Variants in CEP44 observed in about 807,000 individuals in gnomAD.
CEP44 encodes the protein centrosomal protein of 44 kDa.
In CEP44, 45 loss-of-function variants were observed where a neutral mutation model predicts 46.7. The observed-to-expected ratio is 0.96, with a 90% confidence interval of 0.76 to 1.24. CEP44 has a LOEUF of 1.24. CEP44 is among the 50% of genes most tolerant of loss of function. CEP44 has a pLI of 0.00. For synonymous variants in CEP44, 142 were observed against 146.0 expected, an observed-to-expected ratio of 0.97 and a Z score of 0.20; for missense variants, 475 against 459.7, an observed-to-expected ratio of 1.03 and a Z score of -0.30.
downstream of CEP44, among the ~76,000 whole-genome samples, chr4:174,325,147 T>A (rs1742582315): frequency 6.6e-6 from 1 of 152,190 alleles, no homozygotes; most frequent in South Asian, 2.1e-4. This position sits in a 1 kb window ranked among gnomAD's most constrained non-coding sequence, Gnocchi z 4.4. Context: ...TTGCCATTAG[T>A]ATATCTTCTT....
chr4:174,319,036 T>G lies in CEP44; in HGVS notation c.*1653T>G. Reference sequence around the variant, plus strand: ...GTTGCCCAGTCTGTTCTCAAACTCGTGAGCTAAAGCTACTCGCCCACCTGG... The same window carrying G: ...GTTGCCCAGTCTGTTCTCAAACTCGGGAGCTAAAGCTACTCGCCCACCTGG... On this transcript the variant is annotated 3_prime_UTR_variant, in exon 12 of 12. Transcript: ENST00000503780. 6 of 526,900 alleles carry G rather than the reference T, an allele frequency of 1.1e-5. No individual in the cohort carries two copies. Among genetic ancestry groups the G allele is most frequent in the Non-Finnish European group, 1.5e-5 (6 of 411,548 alleles). The allele number at this position is 526,900 out of a possible 1,614,324, so 32.6% of individuals were successfully genotyped here. A position where few individuals can be genotyped will look rare whatever the true frequency, so the allele number is the denominator to read the frequency against.
intron 1 of CEP44, among the ~76,000 whole-genome samples, chr4:174,294,189 GGCC>G (rs1179991125): frequency 7.3e-5 from 11 of 150,968 alleles, no homozygotes; most frequent in African/African-American, 2.7e-4. Flanking sequence ...AGGACCCTGC[GGCC>G]TTCCGCAGTG....
chr4:174,305,374 A>G (rs143596894), intron 6 of CEP44, among the ~76,000 whole-genome samples: 494 of 152,274 alleles, frequency 3.2e-3, no homozygotes, highest in African/African-American at 0.012. Context: ...GAATCGCTTG[A>G]ACCCTGGAGG....
At chr4:174,291,793 T>C (rs1401918330) in intron 1 of CEP44, among the ~76,000 whole-genome samples, 4 of 119,890 alleles carry the variant, frequency 3.3e-5, no homozygotes, top group African/African-American at 1.1e-4. Context: ...TTTTCTTTTT[T>C]TTTTTTTTTT....
rs1737848026 is a variant in CEP44, at chr4:174,288,856, C to A, written c.-148+4913C>A. On this transcript the variant is annotated intron_variant, in intron 1 of 11. Coordinates refer to ENST00000503780, the MANE Select transcript of CEP44 (RefSeq NM_001040157.3). This position sits in a 1 kb window ranked among gnomAD's most constrained non-coding sequence, Gnocchi z 4.6. ...ATGGGGAAAGCTTTCAGTTTTTTAT[C>A]TTTAAGTATCTTAGCTGTGGGCTTC... is the stretch of plus-strand genomic sequence containing the variant. 6.6e-6 allele frequency among the ~76,000 whole-genome samples: 1 copy of A among 152,118 alleles called. No individual in the cohort carries two copies. The highest frequency in any genetic ancestry group is 1.5e-5 in the Non-Finnish European group (1 of 67,984).
chr4:174,323,061 GA>G (rs140502899), downstream of CEP44, among the ~76,000 whole-genome samples: 1,481 of 151,936 alleles, frequency 9.7e-3, 6 homozygotes, highest in Middle Eastern at 0.017. Context: ...TAGAGAAAAT[GA>G]TATTTCTGTT....
chr4:174,293,195 TC>T (rs1183780504), intron 1 of CEP44, among the ~76,000 whole-genome samples: 3 of 152,186 alleles, frequency 2.0e-5, no homozygotes, highest in Non-Finnish European at 4.4e-5. Context: ...GACAAACAAG[TC>T]TTCCTGTGAG....
chr4:174,300,218 T>G (rs1401690032), intron 3 of CEP44, among the ~76,000 whole-genome samples: 1 of 152,064 alleles, frequency 6.6e-6, no homozygotes, highest in East Asian at 1.9e-4. Context: ...GAGGTTACAG[T>G]AGGGAGAGGT....
intron 1 of CEP44, among the ~76,000 whole-genome samples, chr4:174,291,555 G>A (rs1055352060): frequency 5.9e-5 from 9 of 151,944 alleles, no homozygotes; most frequent in South Asian, 4.2e-4. Context: ...TGAGATTTAC[G>A]TGCCACAGAT....
At chr4:174,313,959 A>G (rs138116657) in intron 9 of CEP44, among the ~76,000 whole-genome samples, 65 of 152,336 alleles carry the variant, frequency 4.3e-4, no homozygotes, top group African/African-American at 1.0e-3. Context: ...ATATCTAGAA[A>G]TCAGTTGGAT....
At chr4:174,295,134 T>C (rs1198341223) in intron 1 of CEP44, among the ~76,000 whole-genome samples, 3,407 of 81,008 alleles carry the variant, frequency 0.042, no homozygotes, top group East Asian at 0.09. Flanking sequence ...GGGCTGACCC[T>C]CACCTCCCTC....
rs1485744349 is a variant in CEP44 at position 174,311,844 on chromosome 4, T to C, written c.961+986T>C. On this transcript the variant is annotated intron_variant, in intron 9 of 11. Transcript: ENST00000503780. The surrounding 1 kb of genome is among the most constrained non-coding windows in gnomAD (Gnocchi z 4.4). The stretch of plus-strand genomic sequence containing the variant: ...GCTGCATATTTGGAGCACATATCAA[T>C]ATCATTGCACAAAGAACAATTTCAG... Among the ~76,000 whole-genome samples, 1 of 152,210 alleles carries C rather than the reference T, an allele frequency of 6.6e-6. No individual in the cohort carries two copies. The highest frequency in any genetic ancestry group is 1.9e-4 in the East Asian group (1 of 5,198).
At position 174,317,375 on chromosome 4, in the gene CEP44, T is replaced by C. The variant is rs2126671565; in HGVS notation, c.1165T>C (p.Tyr389His). The change falls in exon 12 of 12, where the codon TAC (tyrosine) becomes CAC (histidine). Residue 389 changes from tyrosine (Y) to histidine (H), a missense_variant. By Grantham distance (83) the Tyr-to-His change is moderately conservative. Coordinates refer to ENST00000503780, the MANE Select transcript of CEP44 (RefSeq NM_001040157.3). ...TAELLKCPNH[Y>H]L is the part of the protein sequence containing the mutation. The stretch of plus-strand genomic sequence containing the variant: ...AGAGTTACTGAAATGTCCAAATCAC[T>C]ACTTGTAGGATTTTCTACATGAACT... 2 of 1,421,772 alleles carry C rather than the reference T, an allele frequency of 1.4e-6. No homozygotes were observed. Among genetic ancestry groups the C allele is most frequent in the Non-Finnish European group, 1.9e-6 (2 of 1,068,390 alleles). The allele number at this position is 1,421,772 out of a possible 1,614,324, so 88.1% of individuals were successfully genotyped here.
At chr4:174,302,659 C>T (rs1339295730) in intron 4 of CEP44, among the ~76,000 whole-genome samples, 1 of 151,498 alleles carries the variant, frequency 6.6e-6, no homozygotes, top group African/African-American at 2.4e-5. Context: ...TATGTGTATA[C>T]TGAATTTAAT....
At chr4:174,324,533 C>T (rs1024455134), downstream of CEP44, among the ~76,000 whole-genome samples, 1 of 152,182 alleles carries the variant, frequency 6.6e-6, no homozygotes, top group Non-Finnish European at 1.5e-5. Flanking sequence ...TTCAGTTGCT[C>T]AGCATCCATA....
At chr4:174,308,325 A>G (rs1452429231) in intron 6 of CEP44, among the ~76,000 whole-genome samples, 4 of 152,188 alleles carry the variant, frequency 2.6e-5, no homozygotes, top group Non-Finnish European at 5.9e-5. Context: ...TGTCCTTTGC[A>G]GAGACATGGA....
rs1741969907 is a variant in CEP44 at position 174,318,346 on chromosome 4, G to A, written c.*963G>A. 2.0e-6 allele frequency: 2 copies of A among 985,176 alleles called. No homozygotes were observed. The highest frequency in any genetic ancestry group is 2.4e-6 in the Non-Finnish European group (2 of 829,922). The allele number at this position is 985,176 out of a possible 1,614,324, so 61.0% of individuals were successfully genotyped here. On this transcript the variant is annotated 3_prime_UTR_variant, in exon 12 of 12. Transcript: ENST00000503780. ...CGGCGTAACACTTTTTAAGACCAGT[G>A]TAACAGAAAGAGAATGTAGCCATTC...
chr4:174,293,886 A>G (rs1738519598), intron 1 of CEP44, among the ~76,000 whole-genome samples: 1 of 152,134 alleles, frequency 6.6e-6, no homozygotes, highest in African/African-American at 2.4e-5. Context: ...TGGGGGAAGT[A>G]TACAGTTTCT....
chr4:174,289,684 T>C (rs1404405304), intron 1 of CEP44, among the ~76,000 whole-genome samples: 4 of 152,144 alleles, frequency 2.6e-5, no homozygotes, highest in Admixed American at 2.0e-4. Flanking sequence ...AGAGGAACTT[T>C]TAGTTTTGTC....
Sources: allele counts gnomAD v4.1 joint callset (sites outside exome capture counted in the v4.1 genomes callset), GRCh38; gene constraint gnomAD v4.1.1; non-coding constraint Gnocchi (gnomAD v3.1); transcripts MANE v1.5; gene names NCBI Gene and HGNC (gene_info 2026-07-23, HGNC 2026-07-21).